The following KCNIP3 variants were observed in gnomAD, a reference collection of about 807,000 sequenced individuals.
The protein encoded by KCNIP3 is calsenilin.
In KCNIP3, 28 loss-of-function variants were observed where a neutral mutation model predicts 35.0. The observed-to-expected ratio is 0.80, with a 90% CI of 0.59 to 1.10. KCNIP3 has a LOEUF of 1.10. Among genes scored for constraint, KCNIP3 ranks in the 50% least tolerant of loss-of-function variants. The probability of loss-of-function intolerance (pLI) is 0.00; values close to 1 mark genes in which losing one functional copy is unlikely to be tolerated. For missense variants in KCNIP3, 295 were observed against 338.4 expected (o/e 0.87, Z 1.01); for synonymous variants, 134 against 133.8 (o/e 1.00, Z -0.01).
intron 2 of KCNIP3, among the ~76,000 whole-genome samples, chr2:95,357,862 G>T (rs1013830105): frequency 2.0e-5 from 3 of 152,202 alleles, no homozygotes; most frequent in African/African-American, 7.2e-5. Flanking sequence ...GCTGGAACTG[G>T]CTGGCTGTTG....
intron 2 of KCNIP3, among the ~76,000 whole-genome samples, chr2:95,324,430 C>T (rs1678673253): frequency 1.3e-5 from 2 of 151,764 alleles, no homozygotes; most frequent in South Asian, 4.1e-4. Context: ...AGGAGAATGG[C>T]GTGGGCCCAG....
intron 2 of KCNIP3, among the ~76,000 whole-genome samples, chr2:95,363,210 G>C (rs1679842852): frequency 6.6e-6 from 1 of 152,116 alleles, no homozygotes; most frequent in Non-Finnish European, 1.5e-5. Context: ...AGGTTAACAG[G>C]AGGCTCTTTT....
chr2:95,366,455 T>C (rs1679920042), intron 2 of KCNIP3, among the ~76,000 whole-genome samples: 1 of 152,196 alleles, frequency 6.6e-6, no homozygotes, highest in African/African-American at 2.4e-5. Flanking sequence ...GGCATTTGTA[T>C]ATACAGTTTG....
At chr2:95,348,212 G>A (rs1188150591) in intron 2 of KCNIP3, among the ~76,000 whole-genome samples, 15 of 152,258 alleles carry the variant, frequency 9.9e-5, no homozygotes, top group Admixed American at 1.3e-4. Flanking sequence ...GCCACCAGGA[G>A]CTTTGGATTG....
chr2:95,383,113 C>CTACCCCCCCAAA, intron 7 of KCNIP3, 119 bp from the exon 8 acceptor site: 1 of 470,390 alleles, frequency 2.1e-6, no homozygotes. Flanking sequence ...TGGAGGGAGC[C>CTACCCCCCCAAA]CACCCGCCCA....
At chr2:95,349,549 C>G (rs1331036880) in intron 2 of KCNIP3, among the ~76,000 whole-genome samples, 2 of 152,324 alleles carry the variant, frequency 1.3e-5, no homozygotes, top group East Asian at 3.9e-4. Context: ...ACCTCAGTCA[C>G]TTTTCCTGAG....
At position 95,323,513 on chromosome 2, in the gene KCNIP3, G is replaced by T. The variant is rs570835253; in HGVS notation, c.181+12993G>T. 9.9e-4 allele frequency among the ~76,000 whole-genome samples: 151 copies of T among 151,922 alleles called. 4 individuals are homozygous for T. The Middle Eastern group carries it at 0.01, about 10-fold the overall frequency. The stretch of plus-strand genomic sequence containing the variant: ...CCCCTCCAGGAAAGGGCCCCTCCCT[G>T]CGGGTGCAGGAGTGCTCTCTGCAGG... On this transcript the variant is annotated intron_variant, in intron 2 of 8. Coordinates refer to ENST00000295225, the MANE Select transcript of KCNIP3 (RefSeq NM_013434.5).
intron 1 of KCNIP3, among the ~76,000 whole-genome samples, chr2:95,307,966 G>A (rs928023514): frequency 1.5e-4 from 23 of 152,336 alleles, no homozygotes; most frequent in South Asian, 6.2e-4. Flanking sequence ...GAGAAAGTGC[G>A]TTTCTGACCC....
intron 2 of KCNIP3, among the ~76,000 whole-genome samples, chr2:95,343,215 G>A (rs1679260906): frequency 6.6e-6 from 1 of 152,186 alleles, no homozygotes; most frequent in Admixed American, 6.5e-5. Context: ...GTAAGAGCCA[G>A]GGTTTTGGCT....
At chr2:95,365,123 C>T (rs1295788860) in intron 2 of KCNIP3, among the ~76,000 whole-genome samples, 1 of 150,254 alleles carries the variant, frequency 6.7e-6, no homozygotes, top group Non-Finnish European at 1.5e-5. Context: ...TCCTTTCTAG[C>T]AATGCAAGAA....
intron 2 of KCNIP3, among the ~76,000 whole-genome samples, chr2:95,364,580 A>G (rs1679875579): frequency 1.3e-5 from 2 of 152,202 alleles, no homozygotes; most frequent in African/African-American, 2.4e-5. Context: ...ATGGCCCAGC[A>G]CCATGCTCAT....
intron 2 of KCNIP3, among the ~76,000 whole-genome samples, chr2:95,325,627 TCACA>T (rs367656900): frequency 1.9e-3 from 272 of 145,182 alleles, no homozygotes; most frequent in African/African-American, 6.1e-3. Context: ...ACACACACAC[TCACA>T]CACACACACG....
chr2:95,315,933 C>A (rs1678449507), intron 2 of KCNIP3, among the ~76,000 whole-genome samples: 2 of 152,334 alleles, frequency 1.3e-5, no homozygotes, highest in East Asian at 3.9e-4. Flanking sequence ...CATGCAGATA[C>A]CAGTGGGGCT....
At chr2:95,368,305 A>G (rs1391144129) in intron 2 of KCNIP3, among the ~76,000 whole-genome samples, 3 of 152,166 alleles carry the variant, frequency 2.0e-5, no homozygotes, top group East Asian at 3.9e-4. Flanking sequence ...CATAGTAGCA[A>G]ACAGCAACTA....
intron 2 of KCNIP3, among the ~76,000 whole-genome samples, chr2:95,347,329 C>G (rs567038161): frequency 6.6e-6 from 1 of 152,324 alleles, no homozygotes; most frequent in South Asian, 2.1e-4. Context: ...AGCGCTTGGG[C>G]TGGGTGTGAG....
intron 2 of KCNIP3, among the ~76,000 whole-genome samples, chr2:95,318,239 C>T (rs761781652): frequency 9.2e-5 from 14 of 152,284 alleles, no homozygotes; most frequent in African/African-American, 3.1e-4. Context: ...TACACAGACT[C>T]AGGACAAGCC....
chr2:95,349,203 AG>A (rs1186058510), intron 2 of KCNIP3, among the ~76,000 whole-genome samples: 2 of 152,138 alleles, frequency 1.3e-5, no homozygotes, highest in African/African-American at 4.8e-5. Context: ...GCAGTGTCTA[AG>A]GAACTGTCAG....
At chr2:95,327,812 C>T (rs960276427) in intron 2 of KCNIP3, among the ~76,000 whole-genome samples, 2 of 152,224 alleles carry the variant, frequency 1.3e-5, no homozygotes, top group African/African-American at 2.4e-5. Context: ...AGAGGCTACA[C>T]GCAGCAGGAC....
intron 2 of KCNIP3, among the ~76,000 whole-genome samples, chr2:95,372,734 A>T (rs1256737480): frequency 6.6e-6 from 1 of 152,182 alleles, no homozygotes; most frequent in African/African-American, 2.4e-5. Context: ...GTTTTCCTCC[A>T]TGGCTTGTGT....
Sources: allele counts gnomAD v4.1 joint callset (sites outside exome capture counted in the v4.1 genomes callset), GRCh38; gene constraint gnomAD v4.1.1; transcripts MANE v1.5; gene names NCBI Gene and HGNC (gene_info 2026-07-23, HGNC 2026-07-21).